Variants in KAT6B observed in about 807,000 individuals in gnomAD.
KAT6B encodes the protein histone acetyltransferase KAT6B.
A neutral mutation model predicts 187.5 loss-of-function variants in KAT6B; 10 were observed. The observed-to-expected ratio is 0.05, with a 90% CI of 0.03 to 0.09. KAT6B has a LOEUF of 0.09. Ranked by LOEUF, KAT6B falls within the 10% of genes least tolerant of loss-of-function variation. The probability of loss-of-function intolerance (pLI) is 1.00; values close to 1 mark genes in which losing one functional copy is unlikely to be tolerated. For missense variants in KAT6B, 1,952 were observed against 2,558.9 expected (o/e 0.76, Z 5.12); for synonymous variants, 861 against 926.8 (o/e 0.93, Z 1.29).
intron 15 of KAT6B, 100 bp from the exon 16 acceptor site, chr10:75,021,781 T>C (rs1008777431): frequency 1.5e-6 from 2 of 1,293,832 alleles, no homozygotes; most frequent in Non-Finnish European, 1.1e-6. Context: ...CTGGCTGTCC[T>C]GATCAGAACC....
intron 3 of KAT6B, among the ~76,000 whole-genome samples, chr10:74,889,234 G>A (rs913557633): frequency 6.6e-6 from 1 of 152,036 alleles, no homozygotes; most frequent in Non-Finnish European, 1.5e-5. Flanking sequence ...ATTGTGTAAC[G>A]AAAAATTTTA....
intron 3 of KAT6B, among the ~76,000 whole-genome samples, chr10:74,910,470 G>A (rs1400554693): frequency 2.0e-5 from 3 of 152,076 alleles, no homozygotes; most frequent in Admixed American, 2.0e-4. Flanking sequence ...TAGTGCTTAG[G>A]GACTCTGTCT....
At chr10:74,881,387 C>G (rs1564539818) in intron 3 of KAT6B, among the ~76,000 whole-genome samples, 1 of 152,140 alleles carries the variant, frequency 6.6e-6, no homozygotes, top group Non-Finnish European at 1.5e-5. Flanking sequence ...CTGAGGTAAT[C>G]TGTATAAAGT....
intron 13 of KAT6B, among the ~76,000 whole-genome samples, chr10:74,995,697 C>A (rs1180842598): frequency 6.6e-6 from 1 of 152,206 alleles, no homozygotes; most frequent in Admixed American, 6.5e-5. Context: ...TACTCCGTTG[C>A]ATGCATGTAT....
chr10:74,939,900 T>C (rs1043242520), intron 3 of KAT6B, among the ~76,000 whole-genome samples: 1 of 152,252 alleles, frequency 6.6e-6, no homozygotes. Context: ...CACATGGAAG[T>C]GTACATGTGT....
chr10:74,900,500 A>G (rs1055594722), intron 3 of KAT6B, among the ~76,000 whole-genome samples: 2 of 152,210 alleles, frequency 1.3e-5, no homozygotes, highest in African/African-American at 4.8e-5. Flanking sequence ...ACCTTCTGCC[A>G]GGTGGGCAAC....
intron 3 of KAT6B, among the ~76,000 whole-genome samples, chr10:74,939,101 T>C (rs1849474489): frequency 6.6e-6 from 1 of 151,832 alleles, no homozygotes; most frequent in African/African-American, 2.4e-5. Context: ...ATTCATGCTT[T>C]AGTTATCTTT....
chr10:75,002,118 C>T (rs1241159732), intron 13 of KAT6B, among the ~76,000 whole-genome samples: 1 of 152,124 alleles, frequency 6.6e-6, no homozygotes, highest in Non-Finnish European at 1.5e-5. Context: ...GTGTCCAGAG[C>T]TCCAGTGCCT....
intron 3 of KAT6B, among the ~76,000 whole-genome samples, chr10:74,909,846 G>T (rs1242969562): frequency 6.6e-6 from 1 of 152,040 alleles, no homozygotes; most frequent in Non-Finnish European, 1.5e-5. Flanking sequence ...AGAGTGCCCA[G>T]TTTCCATGCC....
intron 1 of KAT6B, among the ~76,000 whole-genome samples, chr10:74,830,754 A>ATATATATATATATG (rs1564891957): frequency 3.3e-4 from 8 of 24,362 alleles, no homozygotes; most frequent in African/African-American, 2.3e-3. Context: ...ATATATATAT[A>ATATATATATATATG]TATATATATA....
intron 3 of KAT6B, among the ~76,000 whole-genome samples, chr10:74,955,251 C>T (rs990571873): frequency 6.6e-6 from 1 of 152,128 alleles, no homozygotes; most frequent in African/African-American, 2.4e-5. Context: ...ACAAAACCAT[C>T]CTTTTTCTTT....
chr10:74,859,318 C>G (rs1040656597), intron 3 of KAT6B, among the ~76,000 whole-genome samples: 1 of 151,950 alleles, frequency 6.6e-6, no homozygotes, highest in African/African-American at 2.4e-5. Flanking sequence ...CCCCTGGCCT[C>G]AAGAGATCCA....
intron 3 of KAT6B, among the ~76,000 whole-genome samples, chr10:74,870,482 A>G (rs1843839803): frequency 6.6e-6 from 1 of 152,254 alleles, no homozygotes; most frequent in Non-Finnish European, 1.5e-5. Flanking sequence ...AATAATGACC[A>G]ACAAGTCTCC....
chr10:74,887,151 C>A (rs1235096474), intron 3 of KAT6B, among the ~76,000 whole-genome samples: 2 of 151,980 alleles, frequency 1.3e-5, no homozygotes, highest in East Asian at 3.9e-4. Flanking sequence ...TACCCAATGC[C>A]CTGGGGTTGG....
At position 75,031,534 on chromosome 10, in the gene KAT6B, A is replaced by T; in HGVS notation, c.*488A>T. The T allele has an allele frequency of 3.8e-6, 1 of 266,456 alleles. No homozygotes were observed. The highest frequency in any genetic ancestry group is 7.2e-6 in the Non-Finnish European group (1 of 138,300). The allele number at this position is 266,456 out of a possible 1,614,324, so 16.5% of individuals were successfully genotyped here. On this transcript the variant is annotated 3_prime_UTR_variant, in exon 18 of 18. Coordinates refer to ENST00000287239, the MANE Select transcript of KAT6B (RefSeq NM_012330.4). ...CTTTGTTAGTGACAGTGCATTTTGT[A>T]GTACTGTACAAGTGTTGTGCTAACA... is the stretch of plus-strand genomic sequence containing the variant.
chr10:74,996,389 A>C (rs1287157321), intron 13 of KAT6B, among the ~76,000 whole-genome samples: 1 of 151,994 alleles, frequency 6.6e-6, no homozygotes, highest in South Asian at 2.1e-4. Flanking sequence ...GTGAGGAAGC[A>C]TGTTACATAC....
intron 1 of KAT6B, among the ~76,000 whole-genome samples, chr10:74,835,966 C>G (rs1841276146): frequency 6.6e-6 from 1 of 152,180 alleles, no homozygotes; most frequent in African/African-American, 2.4e-5. Context: ...AACCCCTTAC[C>G]CATTAAGCAG....
intron 11 of KAT6B, chr10:74,983,355 C>G (rs1488715444): frequency 1.3e-5 from 2 of 152,308 alleles, no homozygotes; most frequent in Non-Finnish European, 2.9e-5. Flanking sequence ...GCAGAATCAC[C>G]CCCAGTAAGA....
At chr10:74,973,203 A>C (rs1841955198) in intron 7 of KAT6B, among the ~76,000 whole-genome samples, 1 of 152,240 alleles carries the variant, frequency 6.6e-6, no homozygotes, top group African/African-American at 2.4e-5. Context: ...AGACATATAT[A>C]TAAAATAATA....
Sources: gnomAD v4.1 joint callset for allele counts (sites outside exome capture counted in the v4.1 genomes callset) on GRCh38, gnomAD v4.1.1 for gene constraint, MANE v1.5 for transcripts, NCBI Gene and HGNC (gene_info 2026-07-23, HGNC 2026-07-21) for gene names.